CDH13: variants seen among roughly 807,000 people sequenced by gnomAD.
CDH13 encodes cadherin-13.
A neutral mutation model predicts 63.8 loss-of-function variants in CDH13; 24 were observed. The ratio of observed to expected loss-of-function variants is 0.38; its 90% CI spans 0.27 to 0.53. CDH13 has a LOEUF of 0.53. Among genes scored for constraint, CDH13 ranks in the 20% least tolerant of loss-of-function variants. CDH13 has a pLI of 0.85. For missense variants in CDH13, 1,049 were observed against 903.1 expected (o/e 1.16, Z -2.07); for synonymous variants, 503 against 355.3 (o/e 1.42, Z -4.67).
intron 1 of CDH13, among the ~76,000 whole-genome samples, chr16:82,712,451 C>A (rs79498328): frequency 0.045 from 6,771 of 152,156 alleles, 252 homozygotes; most frequent in African/African-American, 0.1. Flanking sequence ...CTTGCGTATT[C>A]TTCTCCATGG....
At chr16:83,594,141 G>C (rs1343652543) in intron 7 of CDH13, among the ~76,000 whole-genome samples, 1 of 152,198 alleles carries the variant, frequency 6.6e-6, no homozygotes, top group African/African-American at 2.4e-5. Flanking sequence ...TGGCAGCATG[G>C]TTGGCAATTG....
At chr16:82,778,105 G>C (rs2035582163) in intron 1 of CDH13, among the ~76,000 whole-genome samples, 1 of 152,196 alleles carries the variant, frequency 6.6e-6, no homozygotes, top group Non-Finnish European at 1.5e-5. Flanking sequence ...TGAGGAGGCA[G>C]GGTTCACTGG....
At chr16:83,406,874 A>G (rs779563284) in intron 6 of CDH13, among the ~76,000 whole-genome samples, 3 of 152,352 alleles carry the variant, frequency 2.0e-5, no homozygotes, top group South Asian at 2.1e-4. Context: ...AGAGTATTGT[A>G]CAGTTTGAAA....
chr16:83,088,481 A>G (rs552879036), intron 3 of CDH13, among the ~76,000 whole-genome samples: 31 of 152,180 alleles, frequency 2.0e-4, no homozygotes, highest in Non-Finnish European at 3.4e-4. Context: ...CCAGAGTTTT[A>G]GTTACATACT....
chr16:82,749,370 G>A lies in CDH13; in HGVS notation c.46-108992G>A, dbSNP rs953899356. Among the ~76,000 whole-genome samples the A allele has an allele frequency of 5.3e-5, 8 of 152,222 alleles. 1 individual carries two copies. Among genetic ancestry groups the A allele is most frequent in the African/African-American group, 7.2e-5 (3 of 41,536 alleles). ...TACATAGCCCAGGAGTCTCACTTACGAGTAATAGTTTGAAGAGAGAGGTAA... is the reference window on the plus strand; with the variant it reads ...TACATAGCCCAGGAGTCTCACTTACAAGTAATAGTTTGAAGAGAGAGGTAA... On this transcript the variant is annotated intron_variant, in intron 1 of 13. Coordinates refer to ENST00000567109, the MANE Select transcript of CDH13 (RefSeq NM_001257.5).
At chr16:82,958,903 G>A (rs1405783728) in intron 2 of CDH13, among the ~76,000 whole-genome samples, 30 of 152,384 alleles carry the variant, frequency 2.0e-4, no homozygotes, top group Non-Finnish European at 1.0e-4. Context: ...AGATGTTAAA[G>A]TGGTTATGAA....
At chr16:83,721,893 G>A (rs1055723433) in intron 10 of CDH13, 15 of 152,150 alleles carry the variant, frequency 9.9e-5, no homozygotes, top group African/African-American at 3.4e-4. Flanking sequence ...ACACATCTAG[G>A]GACCGTGGGG....
intron 1 of CDH13, among the ~76,000 whole-genome samples, chr16:82,631,353 C>T (rs975387747): frequency 6.6e-6 from 1 of 152,204 alleles, no homozygotes. Context: ...AAGGAGATAA[C>T]CTTCCCCCTT....
intron 1 of CDH13, among the ~76,000 whole-genome samples, chr16:82,802,592 G>T (rs1318254044): frequency 6.6e-6 from 1 of 152,008 alleles, no homozygotes; most frequent in African/African-American, 2.4e-5. Context: ...CACAGCCCAG[G>T]GTTCATACTC....
chr16:83,180,994 G>A, intron 4 of CDH13: 1 of 1,526,828 alleles, frequency 6.5e-7, no homozygotes, highest in Non-Finnish European at 8.8e-7. Context: ...TTGCTTTAAA[G>A]GAATAAATCA....
At chr16:82,765,010 T>C (rs987180419) in intron 1 of CDH13, among the ~76,000 whole-genome samples, 1 of 152,094 alleles carries the variant, frequency 6.6e-6, no homozygotes, top group Non-Finnish European at 1.5e-5. Context: ...GAAACAGGGT[T>C]TCACCATGTT....
intron 4 of CDH13, among the ~76,000 whole-genome samples, chr16:83,199,482 G>A (rs1267830343): frequency 6.6e-6 from 1 of 152,070 alleles, no homozygotes; most frequent in Non-Finnish European, 1.5e-5. Flanking sequence ...ACCTCTCTGG[G>A]TCTCCTTAAC....
At chr16:82,670,968 A>G (rs1012466269) in intron 1 of CDH13, among the ~76,000 whole-genome samples, 6 of 152,228 alleles carry the variant, frequency 3.9e-5, no homozygotes, top group Non-Finnish European at 8.8e-5. Flanking sequence ...AACAATATCA[A>G]TAACACAATG....
intron 1 of CDH13, among the ~76,000 whole-genome samples, chr16:82,642,158 C>T (rs1909487191): frequency 6.6e-6 from 1 of 150,862 alleles, no homozygotes; most frequent in Non-Finnish European, 1.5e-5. Flanking sequence ...CCCACTGCAG[C>T]CTAACACCTA....
chr16:83,265,462 G>A (rs6563889), intron 5 of CDH13, among the ~76,000 whole-genome samples: 147,844 of 152,256 alleles, frequency 0.97, 71,940 homozygotes, highest in East Asian at 1. Flanking sequence ...TTTTCTTTCA[G>A]CTCCCTTTTA....
intron 4 of CDH13, among the ~76,000 whole-genome samples, chr16:83,154,182 G>C (rs921101097): frequency 6.6e-6 from 1 of 152,114 alleles, no homozygotes; most frequent in Admixed American, 6.6e-5. Context: ...CATGACACGA[G>C]CTTATCCTAA....
chr16:83,161,971 T>C (rs1357152373), intron 4 of CDH13, among the ~76,000 whole-genome samples: 1 of 152,226 alleles, frequency 6.6e-6, no homozygotes, highest in Non-Finnish European at 1.5e-5. Flanking sequence ...TCTTTTTCTA[T>C]CAGTGCCAAA....
chr16:83,052,198 C>G (rs2030414643), intron 3 of CDH13, among the ~76,000 whole-genome samples: 1 of 152,154 alleles, frequency 6.6e-6, no homozygotes, highest in East Asian at 1.9e-4. Flanking sequence ...GTAAATGCCT[C>G]ATTATCCTTT....
At position 82,710,986 on chromosome 16, in the gene CDH13, A is replaced by G. The variant is rs1487552845; in HGVS notation, c.45+83849A>G. ...AAAAGCTAGTGCATAAACAAGGTGC[A>G]GAAAGAAGCTAGTCATCCATTCATC... On this transcript the variant is annotated intron_variant, in intron 1 of 13. Coordinates refer to ENST00000567109, the MANE Select transcript of CDH13 (RefSeq NM_001257.5). Among the ~76,000 whole-genome samples, 3 of 151,332 alleles carry G rather than the reference A, an allele frequency of 2.0e-5. No individual in the cohort carries two copies. In the South Asian group the frequency reaches 6.3e-4, roughly 32 times the overall value.
Sources: allele counts gnomAD v4.1 joint callset (sites outside exome capture counted in the v4.1 genomes callset), GRCh38; gene constraint gnomAD v4.1.1; transcripts MANE v1.5; gene names NCBI Gene and HGNC (gene_info 2026-07-23, HGNC 2026-07-21).